ZNF440: variants seen among roughly 807,000 people sequenced by gnomAD.
The protein encoded by ZNF440 is zinc finger protein 440.
In ZNF440, 47 loss-of-function variants were observed where a neutral mutation model predicts 49.7. The observed-to-expected ratio is 0.95, with a 90% confidence interval of 0.75 to 1.21. ZNF440 has a LOEUF of 1.21. Ranked by LOEUF, ZNF440 falls within the 50% of genes most tolerant of loss-of-function variation. ZNF440 has a pLI of 0.00. For missense variants in ZNF440, 703 were observed against 715.0 expected, an observed-to-expected ratio of 0.98 and a Z score of 0.19; for synonymous variants, 255 against 237.7, an observed-to-expected ratio of 1.07 and a Z score of -0.67.
At position 11,832,845 on chromosome 19, in the gene ZNF440, A is replaced by T; in HGVS notation, c.1669A>T (p.Thr557Ser). Reference sequence around the variant, plus strand: ...CGGAAAGCCTTCAGATCTGCCCCACACCTTTGAATACGTGGTAGGACACAC... The same window carrying T: ...CGGAAAGCCTTCAGATCTGCCCCACTCCTTTGAATACGTGGTAGGACACAC... The part of the protein sequence containing the change: ...NDGKPSDLPH[T>S]FEYVVGHTME... The change falls in exon 4 of 4, where the codon ACC becomes TCC. Residue 557 changes from threonine to serine, a missense_variant. Physicochemically the swap from Thr to Ser is moderately conservative, Grantham distance 58. Coordinates refer to ENST00000304060, the MANE Select transcript of ZNF440 (RefSeq NM_152357.3). 6.2e-7 allele frequency: 1 copy of T among 1,612,610 alleles called. No homozygotes were observed. Among genetic ancestry groups the T allele is most frequent in the Non-Finnish European group, 8.5e-7 (1 of 1,178,926 alleles).
chr19:11,830,026 G>A (rs547880501), intron 1 of ZNF440: 280 of 575,208 alleles, frequency 4.9e-4, no homozygotes, highest in Non-Finnish European at 7.2e-4. Context: ...GGAGGCTGAG[G>A]AAGAAGAAGT....
intron 1 of ZNF440, among the ~76,000 whole-genome samples, chr19:11,819,457 G>A (rs1221142071): frequency 6.6e-6 from 1 of 152,094 alleles, no homozygotes; most frequent in Non-Finnish European, 1.5e-5. Flanking sequence ...GGAGCGCGGT[G>A]GCACCATCTG....
In ZNF440 at chr19:11,831,797, A is replaced by G; in HGVS notation, c.621A>G (p.Lys207=). Residue 207 remains lysine, a synonymous_variant, in exon 4 of 4, where the codon AAA becomes AAG. Transcript: ENST00000304060. ...CTTATAAATGTAAGTTTTGTGGGAA[A>G]GCATTCCATTGTCTCAGATTATATC... ...DGPYKCKFCG[K]AFHCLRLYLI... The G allele has an allele frequency of 6.2e-7, 1 of 1,609,374 alleles. No homozygotes were observed. The highest frequency in any genetic ancestry group is 8.5e-7 in the Non-Finnish European group (1 of 1,176,486).
intron 1 of ZNF440, among the ~76,000 whole-genome samples, chr19:11,828,381 C>T (rs1975892496): frequency 6.6e-6 from 1 of 151,996 alleles, no homozygotes; most frequent in Admixed American, 6.5e-5. Context: ...GATGGAGTTC[C>T]ACCACGTTGG....
chr19:11,814,548 G>A (rs529095797), intron 1 of ZNF440, 98 bp downstream of exon 1: 4 of 1,314,372 alleles, frequency 3.0e-6, no homozygotes, highest in Admixed American at 3.7e-5. Context: ...CGGCGACTCC[G>A]GGGTCGTGGA....
rs933994758 is a variant in ZNF440, at chr19:11,829,737, G to T, written c.4-546G>T. Among the ~76,000 whole-genome samples, 18 of 152,236 alleles carry T rather than the reference G, an allele frequency of 1.2e-4. No individual in the cohort carries two copies. The East Asian group carries it at 2.5e-3, about 21-fold the overall frequency. Reference sequence around the variant, plus strand: ...GGTCTCAACTACTCAGGAGGCTGAGGCATGAGAATTGCATGAACCCAGGAG... The same window carrying T: ...GGTCTCAACTACTCAGGAGGCTGAGTCATGAGAATTGCATGAACCCAGGAG... On this transcript the variant is annotated intron_variant, in intron 1 of 3. Transcript: ENST00000304060.
At chr19:11,827,216 A>G (rs2145126622) in intron 1 of ZNF440, among the ~76,000 whole-genome samples, 1 of 151,832 alleles carries the variant, frequency 6.6e-6, no homozygotes, top group Middle Eastern at 3.5e-3. Flanking sequence ...GGCTCATGCC[A>G]CCAGGCCCGG....
intron 1 of ZNF440, among the ~76,000 whole-genome samples, chr19:11,814,894 G>A (rs968521793): frequency 6.6e-6 from 1 of 151,144 alleles, no homozygotes; most frequent in Admixed American, 6.6e-5. Flanking sequence ...TCTCCTTAAC[G>A]CAGTTTCTAG....
chr19:11,834,140 TC>T lies in ZNF440; in HGVS notation c.*1181del. The T allele has an allele frequency of 1.7e-5, 5 of 288,952 alleles. No individual in the cohort carries two copies. Among genetic ancestry groups the T allele is most frequent in the East Asian group, 6.5e-5 (1 of 15,362 alleles). The allele number at this position is 288,952 out of a possible 1,614,324, so 17.9% of individuals were successfully genotyped here. On this transcript the variant is annotated 3_prime_UTR_variant, in exon 4 of 4. Transcript: ENST00000304060. Reference sequence around the variant, plus strand: ...CTTAATTTTTCTTTCTTTTTTTTTTTCCCCCAGAAAGAATCTCACTCTGTCA... The same window carrying T: ...CTTAATTTTTCTTTCTTTTTTTTTTTCCCCAGAAAGAATCTCACTCTGTCA...
chr19:11,830,089 A>G, intron 1 of ZNF440, 194 bp from the exon 2 acceptor site: 1 of 1,170,750 alleles, frequency 8.5e-7, no homozygotes, highest in South Asian at 1.6e-5. Flanking sequence ...CAGCCTGGGC[A>G]ACAAGAGTGA....
In ZNF440 at chr19:11,831,371, T is replaced by C; in HGVS notation, c.195T>C (p.Ser65=). 1 of 1,603,438 alleles carries C rather than the reference T, an allele frequency of 6.2e-7. No homozygotes were observed. Among genetic ancestry groups the C allele is most frequent in the Non-Finnish European group, 8.5e-7 (1 of 1,177,654 alleles). The change falls in exon 4 of 4, where the codon AGT becomes AGC. Residue 65 remains serine (S), a synonymous_variant. Transcript: ENST00000304060. ...EHQNPRRNFR[S]LIEEKVNEIK... The stretch of plus-strand genomic sequence containing the variant: ...ATATGCTTCTCATTTTTGACAGGAG[T>C]CTCATAGAAGAAAAAGTCAATGAAA...
chr19:11,830,427 C>G lies in ZNF440; in HGVS notation c.130+18C>G. Reference sequence around the variant, plus strand: ...CTCTTTAGGTAAGGATGACAATATTCCTTCCCTCAGTCCATTAGTGAACCA... The same window carrying G: ...CTCTTTAGGTAAGGATGACAATATTGCTTCCCTCAGTCCATTAGTGAACCA... On this transcript the variant is annotated intron_variant, in intron 2 of 3. Transcript: ENST00000304060. 4.3e-6 allele frequency: 7 copies of G among 1,613,654 alleles called. No individual in the cohort carries two copies. Among genetic ancestry groups the G allele is most frequent in the Non-Finnish European group, 5.1e-6 (6 of 1,179,820 alleles).
rs1458481351 is a variant in ZNF440, at chr19:11,832,412, A to G, written c.1236A>G (p.Arg412=). 3.1e-6 allele frequency: 5 copies of G among 1,613,318 alleles called. No homozygotes were observed. The highest frequency in any genetic ancestry group is 4.2e-6 in the Non-Finnish European group (5 of 1,179,706). The part of the protein sequence containing the change: ...GKAFRSASHL[R]VHGRTHTGEK... ...CCTTCAGATCTGCCTCACACCTTCGAGTGCATGGTAGGACTCACACTGGAG... is the reference window on the plus strand; with the variant it reads ...CCTTCAGATCTGCCTCACACCTTCGGGTGCATGGTAGGACTCACACTGGAG... The change falls in exon 4 of 4, where the codon CGA becomes CGG. Residue 412 remains arginine, a synonymous_variant. Transcript: ENST00000304060.
At chr19:11,823,885 C>A (rs1033549670) in intron 1 of ZNF440, among the ~76,000 whole-genome samples, 1 of 152,052 alleles carries the variant, frequency 6.6e-6, no homozygotes, top group Non-Finnish European at 1.5e-5. Context: ...TCACTTGAAC[C>A]TGGGAGTCCA....
intron 1 of ZNF440, among the ~76,000 whole-genome samples, chr19:11,823,019 A>G (rs1404305106): frequency 1.3e-5 from 2 of 152,078 alleles, no homozygotes; most frequent in Non-Finnish European, 1.5e-5. Flanking sequence ...TCAAATTACC[A>G]TAGACTGGGT....
At chr19:11,826,100 C>T (rs551249736) in intron 1 of ZNF440, among the ~76,000 whole-genome samples, 19 of 152,260 alleles carry the variant, frequency 1.2e-4, no homozygotes, top group African/African-American at 2.2e-4. Context: ...CGTGAGCCAC[C>T]GCACGCGGCC....
intron 1 of ZNF440, among the ~76,000 whole-genome samples, chr19:11,825,299 G>A (rs1466865309): frequency 7.2e-5 from 11 of 152,202 alleles, no homozygotes; most frequent in Admixed American, 7.2e-4. Context: ...AGAAGCCAAT[G>A]TTATTATTAC....
chr19:11,824,124 A>G (rs1975832306), intron 1 of ZNF440, among the ~76,000 whole-genome samples: 1 of 148,636 alleles, frequency 6.7e-6, no homozygotes. Flanking sequence ...TCGAGGCTGC[A>G]GTGAGCTATG....
chr19:11,822,365 ATATAAT>A (rs1274187309), intron 1 of ZNF440, among the ~76,000 whole-genome samples: 1 of 152,252 alleles, frequency 6.6e-6, no homozygotes, highest in African/African-American at 2.4e-5. Context: ...CTAAGGTAAC[ATATAAT>A]TATAAGAACT....
Sources: allele counts gnomAD v4.1 joint callset (sites outside exome capture counted in the v4.1 genomes callset), GRCh38; gene constraint gnomAD v4.1.1; transcripts MANE v1.5; gene names NCBI Gene and HGNC (gene_info 2026-07-23, HGNC 2026-07-21).